Variants in ABLIM1 observed in about 807,000 individuals in gnomAD.
ABLIM1 encodes the protein actin-binding LIM protein 1.
In ABLIM1, 40 loss-of-function variants were observed where a neutral mutation model predicts 107.0. The observed-to-expected ratio is 0.37, with a 90% CI of 0.29 to 0.49. The LOEUF is 0.49. ABLIM1 is among the 20% of genes least tolerant of loss of function. The probability of loss-of-function intolerance (pLI) is 0.97; values close to 1 mark genes in which losing one functional copy is unlikely to be tolerated. For synonymous variants in ABLIM1, 357 were observed against 357.3 expected, an observed-to-expected ratio of 1.00 and a Z score of 0.01; for missense variants, 857 against 1,008.5, an observed-to-expected ratio of 0.85 and a Z score of 2.04.
intron 1 of ABLIM1, among the ~76,000 whole-genome samples, chr10:114,752,905 G>A (rs149016994): frequency 0.017 from 2,618 of 152,220 alleles, 29 homozygotes; most frequent in Middle Eastern, 0.092. Flanking sequence ...GAATATATGC[G>A]TGCAACAGAT....
rs530982190 is a variant in ABLIM1, at chr10:114,629,342, G to A, written c.245-27381C>T. Among the ~76,000 whole-genome samples, 3 of 152,282 alleles carry A rather than the reference G, an allele frequency of 2.0e-5. No homozygotes were observed. The highest frequency in any genetic ancestry group is 2.1e-4 in the South Asian group (1 of 4,828). The stretch of plus-strand genomic sequence containing the variant: ...ACATTGCCAGGACCCGAGCCTCCTC[G>A]AGTTGATTCCTGACAGCTCCACAGG... On this transcript the variant is annotated intron_variant, in intron 1 of 22. Coordinates refer to ENST00000533213, the MANE Select transcript of ABLIM1 (RefSeq NM_002313.7). The surrounding 1 kb of genome is among the most constrained non-coding windows in gnomAD (Gnocchi z 4.0).
intron 10 of ABLIM1, among the ~76,000 whole-genome samples, chr10:114,468,580 C>A (rs960811608): frequency 6.6e-6 from 1 of 151,840 alleles, no homozygotes; most frequent in Non-Finnish European, 1.5e-5. Flanking sequence ...GGCCTCTTTG[C>A]CAGTTTTAAT....
chr10:114,592,414 G>A (rs2139652484), intron 2 of ABLIM1, among the ~76,000 whole-genome samples: 1 of 152,288 alleles, frequency 6.6e-6, no homozygotes, highest in Middle Eastern at 3.4e-3. Flanking sequence ...GGAAGAAAAT[G>A]GTGGGAGATG....
intron 6 of ABLIM1, among the ~76,000 whole-genome samples, chr10:114,520,509 A>G (rs1467105569): frequency 6.6e-6 from 1 of 152,096 alleles, no homozygotes. Context: ...AGCTAAAAAA[A>G]GGAGAACTCA....
intron 6 of ABLIM1, among the ~76,000 whole-genome samples, chr10:114,537,227 T>C (rs933184893): frequency 2.6e-5 from 4 of 152,226 alleles, no homozygotes; most frequent in African/African-American, 9.6e-5. Context: ...CTTCTGAGAA[T>C]TGAAAGAGAC....
Position 114,533,501 on chromosome 10 carries a change from T to C in ABLIM1, c.894+11504A>G, listed in dbSNP as rs137889826. ...AAGTGAACAAAGCCATCAGTAACAA[T>C]AGCAAACAAAGATAAATTTCTCACC... On this transcript the variant is annotated intron_variant, in intron 6 of 22. Coordinates refer to ENST00000533213, the MANE Select transcript of ABLIM1 (RefSeq NM_002313.7). 6.0e-3 allele frequency among the ~76,000 whole-genome samples: 921 copies of C among 152,262 alleles called. 6 individuals carry two copies. The highest frequency in any genetic ancestry group is 0.02 in the African/African-American group (828 of 41,542).
At chr10:114,674,874 G>C (rs888177868) in intron 1 of ABLIM1, among the ~76,000 whole-genome samples, 1 of 152,080 alleles carries the variant, frequency 6.6e-6, no homozygotes, top group Non-Finnish European at 1.5e-5. Context: ...AATCTTTAAA[G>C]ATGAAAGTTT....
chr10:114,480,586 TGAA>T (rs2057196844), intron 8 of ABLIM1, among the ~76,000 whole-genome samples: 1 of 152,210 alleles, frequency 6.6e-6, no homozygotes. Flanking sequence ...TGAGGTGAGA[TGAA>T]GAAAGCAGGC....
intron 1 of ABLIM1, among the ~76,000 whole-genome samples, chr10:114,627,553 G>A (rs7915853): frequency 0.089 from 13,469 of 152,024 alleles, 1,387 homozygotes; most frequent in African/African-American, 0.25. Context: ...AGATGATAAC[G>A]GAATAGGGAA....
intron 1 of ABLIM1, among the ~76,000 whole-genome samples, chr10:114,717,239 C>A (rs994902312): frequency 4.6e-5 from 7 of 152,172 alleles, no homozygotes; most frequent in African/African-American, 1.7e-4. Flanking sequence ...GGAAGAAATT[C>A]TGAGAATCTT....
intron 1 of ABLIM1, among the ~76,000 whole-genome samples, chr10:114,642,172 T>C (rs746786000): frequency 6.6e-6 from 1 of 152,044 alleles, no homozygotes; most frequent in Non-Finnish European, 1.5e-5. Context: ...GGATTACAGA[T>C]GTGAGCCCAC....
intron 1 of ABLIM1, among the ~76,000 whole-genome samples, chr10:114,603,103 A>T (rs2076149158): frequency 1.3e-5 from 2 of 152,204 alleles, no homozygotes; most frequent in South Asian, 4.1e-4. Flanking sequence ...CATTGAACCT[A>T]AAATTAATCA....
chr10:114,445,394 A>G lies in ABLIM1; in HGVS notation c.1745T>C (p.Met582Thr). The G allele has an allele frequency of 6.2e-7, 1 of 1,614,106 alleles. No homozygotes were observed. The highest frequency in any genetic ancestry group is 8.5e-7 in the Non-Finnish European group (1 of 1,179,990). Residue 582 changes from methionine (M) to threonine (T), a missense_variant, in exon 16 of 23, where the codon ATG becomes ACG. This residue lies in a region of ABLIM1 where 103 missense variants were observed against 101.0 expected (regional missense o/e 1.02). Coordinates refer to ENST00000533213, the MANE Select transcript of ABLIM1 (RefSeq NM_002313.7). The part of the protein sequence containing the change: ...PPSFAVVGPD[M>T]KRRSSGREED... ...CTCTCTGCCACTAGATCTGCGTTTC[A>G]TGTCAGGTCCTAATTCCACAGCAAA...
chr10:114,718,099 GAAAAA>G (rs2081739251), intron 1 of ABLIM1, among the ~76,000 whole-genome samples: 1 of 30,874 alleles, frequency 3.2e-5, no homozygotes, highest in Non-Finnish European at 9.0e-5. Flanking sequence ...GGAAGGAAAA[GAAAAA>G]GAAAAAGAAA....
chr10:114,654,632 T>A (rs766803903), intron 1 of ABLIM1, among the ~76,000 whole-genome samples: 5 of 152,164 alleles, frequency 3.3e-5, no homozygotes, highest in Admixed American at 1.3e-4. Context: ...TTAGTTCTCA[T>A]AATCAATACT....
At chr10:114,725,471 G>C (rs377467555) in intron 1 of ABLIM1, among the ~76,000 whole-genome samples, 1 of 152,108 alleles carries the variant, frequency 6.6e-6, no homozygotes, top group South Asian at 2.1e-4. Context: ...AACCCCAAGG[G>C]AGATTATCAA....
intron 1 of ABLIM1, among the ~76,000 whole-genome samples, chr10:114,730,165 A>T (rs576785724): frequency 6.6e-6 from 1 of 152,206 alleles, no homozygotes; most frequent in African/African-American, 2.4e-5. Context: ...TGGGAGGCCA[A>T]AGCAGGTGGA....
At chr10:114,601,998 G>C (rs756858380) in intron 1 of ABLIM1, 37 bp from the exon 2 acceptor site, 46 of 1,609,378 alleles carry the variant, frequency 2.9e-5, no homozygotes, top group Middle Eastern at 1.7e-4. Context: ...GGTGAGTAGA[G>C]AGCATTCCTG....
chr10:114,684,213 G>T, intron 1 of ABLIM1: 1 of 1,443,590 alleles, frequency 6.9e-7, no homozygotes, highest in Non-Finnish European at 9.5e-7. Context: ...GAAAAGCCCT[G>T]CATCTTTCCT....
Sources: allele counts gnomAD v4.1 joint callset (sites outside exome capture counted in the v4.1 genomes callset), GRCh38; gene constraint gnomAD v4.1.1; regional missense constraint gnomAD v4.1.1; non-coding constraint Gnocchi (gnomAD v3.1); transcripts MANE v1.5; gene names NCBI Gene and HGNC (gene_info 2026-07-23, HGNC 2026-07-21).